Variants in CENPP observed in about 807,000 individuals in gnomAD.
CENPP encodes centromere protein P.
Under a neutral mutation model 35.6 loss-of-function variants are expected in CENPP, and 24 were observed. The ratio of observed to expected loss-of-function variants is 0.67; its 90% CI spans 0.49 to 0.95. CENPP has a LOEUF of 0.95. Ranked by LOEUF, CENPP falls within the 40% of genes least tolerant of loss-of-function variation. The probability of loss-of-function intolerance (pLI) is 0.00; values close to 1 mark genes in which losing one functional copy is unlikely to be tolerated. For missense variants in CENPP, 332 were observed against 345.3 expected (o/e 0.96, Z 0.31); for synonymous variants, 120 against 125.5 (o/e 0.96, Z 0.29).
intron 5 of CENPP, among the ~76,000 whole-genome samples, chr9:92,533,321 AAAAAAAAATATAT>A (rs1470005885): frequency 2.3e-4 from 23 of 100,762 alleles, no homozygotes; most frequent in Admixed American, 3.3e-4. Flanking sequence ...AAAAAAAAAA[AAAAAAAAATATAT>A]ATATATATAT....
At chr9:92,330,767 C>T (rs995503038) in intron 1 of CENPP, among the ~76,000 whole-genome samples, 1 of 147,338 alleles carries the variant, frequency 6.8e-6, no homozygotes, top group Admixed American at 6.8e-5. Context: ...TGGCTCACTG[C>T]AACCTCTGCC....
intron 5 of CENPP, among the ~76,000 whole-genome samples, chr9:92,604,165 A>G (rs1467823980): frequency 6.6e-6 from 1 of 152,218 alleles, no homozygotes; most frequent in Non-Finnish European, 1.5e-5. Flanking sequence ...GCAGCAGTGT[A>G]TGTTAGTTCC....
At chr9:92,332,110 G>A in intron 1 of CENPP, 60 bp from the exon 2 acceptor site, 4 of 1,129,288 alleles carry the variant, frequency 3.5e-6, no homozygotes, top group Non-Finnish European at 5.0e-6. Flanking sequence ...GGAAAATGGG[G>A]TTATTAGATG....
At position 92,452,904 on chromosome 9, in the gene CENPP, G is replaced by T. The variant is rs10992346; in HGVS notation, c.564+73045G>T. Among the ~76,000 whole-genome samples, 125 of 152,110 alleles carry T rather than the reference G, an allele frequency of 8.2e-4. No homozygotes were observed. In the East Asian group the frequency reaches 9.5e-3, roughly 12 times the overall value. ...ATTTGCATAGAGGTGTTTGTAGTAT[G>T]CTCTGATGGTAGTTTGTATTTCTGT... On this transcript the variant is annotated intron_variant, in intron 5 of 7. Transcript: ENST00000375587.
At chr9:92,591,039 A>C (rs961535155) in intron 5 of CENPP, among the ~76,000 whole-genome samples, 1 of 152,212 alleles carries the variant, frequency 6.6e-6, no homozygotes, top group African/African-American at 2.4e-5. Context: ...AAACATTTCC[A>C]CTCATTGAAA....
At chr9:92,402,948 A>T (rs1346781665) in intron 5 of CENPP, among the ~76,000 whole-genome samples, 10 of 152,224 alleles carry the variant, frequency 6.6e-5, no homozygotes, top group Admixed American at 5.9e-4. Context: ...ATTACTTAAT[A>T]TATAAATTGC....
intron 5 of CENPP, among the ~76,000 whole-genome samples, chr9:92,442,389 ACT>A (rs1301695599): frequency 7.6e-6 from 1 of 131,670 alleles, no homozygotes; most frequent in Non-Finnish European, 1.6e-5. Flanking sequence ...CAAGAGTGAA[ACT>A]CTGTCTCAAA....
intron 5 of CENPP, among the ~76,000 whole-genome samples, chr9:92,458,971 C>G (rs1588144622): frequency 1.3e-5 from 2 of 152,104 alleles, no homozygotes; most frequent in African/African-American, 4.8e-5. Context: ...TCTCAAGCTC[C>G]TTGGAAGATG....
intron 5 of CENPP, among the ~76,000 whole-genome samples, chr9:92,462,740 A>C (rs1845162455): frequency 6.6e-6 from 1 of 152,176 alleles, no homozygotes; most frequent in South Asian, 2.1e-4. Context: ...AATTTCTTGA[A>C]TTTTGATTAA....
At chr9:92,336,387 G>A (rs1840930485) in intron 2 of CENPP, among the ~76,000 whole-genome samples, 1 of 152,156 alleles carries the variant, frequency 6.6e-6, no homozygotes, top group Non-Finnish European at 1.5e-5. Flanking sequence ...TGGTGCTGCT[G>A]ACTCATAATA....
At chr9:92,514,576 CTAAGAGTCAT>C in intron 5 of CENPP, 1 of 1,524,476 alleles carries the variant, frequency 6.6e-7, no homozygotes, top group South Asian at 1.3e-5. Flanking sequence ...TGCCCAGCTG[CTAAGAGTCAT>C]TTACTTTTAA....
intron 5 of CENPP, among the ~76,000 whole-genome samples, chr9:92,514,239 A>G (rs1164064232): frequency 6.7e-6 from 1 of 150,088 alleles, no homozygotes; most frequent in East Asian, 2.0e-4. Context: ...TGGGACTACA[A>G]GTGTATACAA....
intron 4 of CENPP, 120 bp downstream of exon 4, chr9:92,345,907 C>T: frequency 1.7e-6 from 1 of 605,214 alleles, no homozygotes; most frequent in Non-Finnish European, 2.9e-6. Context: ...AGTATAACAC[C>T]ACTGTTGTGC....
chr9:92,514,862 C>T (rs760055593), intron 5 of CENPP: 2 of 1,612,966 alleles, frequency 1.2e-6, no homozygotes, highest in Admixed American at 1.7e-5. Context: ...TCCTCCTCCT[C>T]ATCCTCCTCC....
At chr9:92,487,785 C>T (rs774810995) in intron 5 of CENPP, among the ~76,000 whole-genome samples, 13 of 152,144 alleles carry the variant, frequency 8.5e-5, no homozygotes, top group Non-Finnish European at 1.6e-4. Context: ...GAGGCTTCAG[C>T]AATCACACCA....
intron 5 of CENPP, among the ~76,000 whole-genome samples, chr9:92,479,932 T>C (rs1227094211): frequency 2.6e-5 from 4 of 152,176 alleles, no homozygotes; most frequent in Non-Finnish European, 5.9e-5. Flanking sequence ...ATGGAATGTC[T>C]AGGAGAGAAC....
chr9:92,333,280 G>T (rs192240419), intron 2 of CENPP, among the ~76,000 whole-genome samples: 12 of 152,354 alleles, frequency 7.9e-5, no homozygotes, highest in East Asian at 3.9e-4. Flanking sequence ...ACAGGGGAGA[G>T]GGTCTTGGGC....
At chr9:92,348,791 T>G (rs1259897509) in intron 4 of CENPP, among the ~76,000 whole-genome samples, 1 of 152,224 alleles carries the variant, frequency 6.6e-6, no homozygotes. Context: ...TTGAAAGATA[T>G]TTTTGCTGGC....
rs573762879 is a variant in CENPP, at chr9:92,617,311, G to C, written c.*4162G>C. The C allele has an allele frequency of 6.6e-6, 1 of 152,192 alleles. No homozygotes were observed. The highest frequency in any genetic ancestry group is 1.5e-5 in the Non-Finnish European group (1 of 68,128). The allele number at this position is 152,192 out of a possible 1,614,324, so 9.4% of individuals were successfully genotyped here. On this transcript the variant is annotated 3_prime_UTR_variant, in exon 8 of 8. Transcript: ENST00000375587. ...ATCCCCAGCCCATGACTAGGGTTAC[G>C]TATTTTAAAGGACACCCCAATTTCT...
Sources: allele counts gnomAD v4.1 joint callset (sites outside exome capture counted in the v4.1 genomes callset), GRCh38; gene constraint gnomAD v4.1.1; transcripts MANE v1.5; gene names NCBI Gene and HGNC (gene_info 2026-07-23, HGNC 2026-07-21).